The following NLGN1 variants were observed in gnomAD, a reference collection of about 807,000 sequenced individuals.
NLGN1 encodes neuroligin 1.
Under a neutral mutation model 65.5 loss-of-function variants are expected in NLGN1, and 12 were observed. The observed-to-expected ratio is 0.18, with a 90% CI of 0.12 to 0.30. NLGN1 has a LOEUF of 0.30. Ranked by LOEUF, NLGN1 falls within the 10% of genes least tolerant of loss-of-function variation. The pLI is 1.00. For synonymous variants in NLGN1, 350 were observed against 359.5 expected (o/e 0.97, Z 0.30); for missense variants, 750 against 1,007.1 (o/e 0.74, Z 3.46).
intron 4 of NLGN1, among the ~76,000 whole-genome samples, chr3:174,130,019 CA>C (rs1193133038): frequency 6.6e-6 from 1 of 152,196 alleles, no homozygotes; most frequent in Non-Finnish European, 1.5e-5. Flanking sequence ...AGCTGCAGAC[CA>C]CACTAGGAAA....
chr3:173,889,401 TACAA>T (rs1377952014), intron 4 of NLGN1, among the ~76,000 whole-genome samples: 14 of 152,220 alleles, frequency 9.2e-5, no homozygotes, highest in East Asian at 3.9e-4. Context: ...ACTGTTTTAC[TACAA>T]ACAGTGACAA....
intron 2 of NLGN1, among the ~76,000 whole-genome samples, chr3:173,545,113 C>T (rs12488515): frequency 0.37 from 56,756 of 151,664 alleles, 11,833 homozygotes; most frequent in East Asian, 0.85. Flanking sequence ...TCACTCTTGT[C>T]GCCCAGGCTG....
At chr3:174,091,793 C>A (rs2152564907) in intron 4 of NLGN1, among the ~76,000 whole-genome samples, 2 of 152,234 alleles carry the variant, frequency 1.3e-5, no homozygotes, top group South Asian at 4.1e-4. Context: ...AAGATAATTT[C>A]TAATTCATTA....
At chr3:173,699,001 C>T (rs1401098982) in intron 3 of NLGN1, among the ~76,000 whole-genome samples, 1 of 152,084 alleles carries the variant, frequency 6.6e-6, no homozygotes, top group Non-Finnish European at 1.5e-5. Context: ...GGATTACACG[C>T]ATGCGCCACC....
chr3:174,063,428 A>G (rs2152521693), intron 4 of NLGN1, among the ~76,000 whole-genome samples: 1 of 152,300 alleles, frequency 6.6e-6, no homozygotes, highest in Non-Finnish European at 1.5e-5. Context: ...AGCACTGGAA[A>G]TTATCAATTT....
intron 3 of NLGN1, among the ~76,000 whole-genome samples, chr3:173,748,438 A>G (rs1482339459): frequency 6.6e-6 from 1 of 152,070 alleles, no homozygotes; most frequent in East Asian, 1.9e-4. Context: ...TTGTAATGGG[A>G]AAGGTCTTCC....
chr3:173,902,513 C>T (rs1416038035), intron 4 of NLGN1, among the ~76,000 whole-genome samples: 1 of 152,074 alleles, frequency 6.6e-6, no homozygotes, highest in South Asian at 2.1e-4. Context: ...GAGTTTCTCT[C>T]CACAATATGG....
intron 4 of NLGN1, among the ~76,000 whole-genome samples, chr3:173,858,488 A>G (rs1421279231): frequency 1.3e-5 from 2 of 152,024 alleles, no homozygotes; most frequent in Non-Finnish European, 2.9e-5. Context: ...AAATGCTAAG[A>G]TTTGAATTAT....
intron 3 of NLGN1, among the ~76,000 whole-genome samples, chr3:173,739,203 C>T (rs1774236584): frequency 6.6e-6 from 1 of 151,978 alleles, no homozygotes; most frequent in South Asian, 2.1e-4. Flanking sequence ...GGAAAGTGGT[C>T]AAATATTCCG....
chr3:174,264,941 T>A (rs373620632), intron 4 of NLGN1, among the ~76,000 whole-genome samples: 1 of 152,098 alleles, frequency 6.6e-6, no homozygotes, highest in South Asian at 2.1e-4. Flanking sequence ...AATACCCTGC[T>A]GTGTGAGGTG....
At chr3:173,907,154 G>C (rs1418575478) in intron 4 of NLGN1, among the ~76,000 whole-genome samples, 1 of 152,144 alleles carries the variant, frequency 6.6e-6, no homozygotes, top group African/African-American at 2.4e-5. Context: ...GCAGGAAAGA[G>C]TCAAAACTCA....
chr3:173,972,747 T>C (rs906445285), intron 4 of NLGN1, among the ~76,000 whole-genome samples: 3 of 152,022 alleles, frequency 2.0e-5, no homozygotes, highest in African/African-American at 7.2e-5. Context: ...GATTAAAAAT[T>C]GAGAGAGGTT....
intron 4 of NLGN1, among the ~76,000 whole-genome samples, chr3:173,942,109 G>GGTGTGTGTGTGTGT (rs1050946666): frequency 1.4e-5 from 2 of 144,068 alleles, no homozygotes; most frequent in African/African-American, 5.2e-5. Flanking sequence ...GGTGGTTGGG[G>GGTGTGTGTGTGTGT]GTGTGTGTGT....
chr3:174,027,070 A>ATT (rs1321694735), intron 4 of NLGN1, among the ~76,000 whole-genome samples: 30 of 148,002 alleles, frequency 2.0e-4, no homozygotes, highest in East Asian at 8.1e-4. Context: ...TTTTTTTAAA[A>ATT]AAAAAAAAAG....
chr3:173,843,928 C>T (rs999177674), intron 4 of NLGN1, among the ~76,000 whole-genome samples: 23 of 152,180 alleles, frequency 1.5e-4, no homozygotes, highest in African/African-American at 5.6e-4. Flanking sequence ...CTGATAAAGA[C>T]ATACCCAAAA....
At chr3:173,547,914 A>G (rs1185927331) in intron 2 of NLGN1, among the ~76,000 whole-genome samples, 1 of 152,116 alleles carries the variant, frequency 6.6e-6, no homozygotes, top group Non-Finnish European at 1.5e-5. Context: ...CTAATGGCTT[A>G]TAAGAACAAA....
intron 2 of NLGN1, among the ~76,000 whole-genome samples, chr3:173,558,795 G>T (rs1199851332): frequency 6.6e-6 from 1 of 152,066 alleles, no homozygotes; most frequent in Non-Finnish European, 1.5e-5. Context: ...CTTGGATATG[G>T]TCACATTTTC....
chr3:173,960,487 G>A (rs1212912413), intron 4 of NLGN1, among the ~76,000 whole-genome samples: 6 of 151,730 alleles, frequency 4.0e-5, no homozygotes, highest in Admixed American at 3.9e-4. Flanking sequence ...TTTGTAGAGG[G>A]TTACAATTAT....
At chr3:174,146,654 G>A (rs1242023318) in intron 4 of NLGN1, among the ~76,000 whole-genome samples, 1 of 150,030 alleles carries the variant, frequency 6.7e-6, no homozygotes, top group African/African-American at 2.5e-5. Flanking sequence ...TGCAACCTCC[G>A]CCTCCCGGGT....
Sources: gnomAD v4.1 joint callset for allele counts (sites outside exome capture counted in the v4.1 genomes callset) on GRCh38, gnomAD v4.1.1 for gene constraint, MANE v1.5 for transcripts, NCBI Gene and HGNC (gene_info 2026-07-23, HGNC 2026-07-21) for gene names.